Variants in MTIF2 observed in about 807,000 individuals in gnomAD.
The protein encoded by MTIF2 is translation initiation factor IF-2, mitochondrial.
In MTIF2, 71 loss-of-function variants were observed where a neutral mutation model predicts 83.5. The ratio of observed to expected loss-of-function variants is 0.85; its 90% CI spans 0.70 to 1.04. The LOEUF (loss-of-function observed/expected upper bound fraction) is 1.04. MTIF2 is among the 50% of genes least tolerant of loss of function. The pLI, the probability that MTIF2 is intolerant of heterozygous loss-of-function variation, is 0.00. For missense variants in MTIF2, 957 were observed against 846.5 expected (o/e 1.13, Z -1.62); for synonymous variants, 319 against 287.1 (o/e 1.11, Z -1.12).
chr2:55,261,017 C>G (rs1428785764), intron 5 of MTIF2, among the ~76,000 whole-genome samples: 1 of 151,012 alleles, frequency 6.6e-6, no homozygotes, highest in African/African-American at 2.4e-5. Context: ...GATGGAGTCT[C>G]GCTCTGTCGT....
chr2:55,252,911 A>T (rs190426464), intron 7 of MTIF2, among the ~76,000 whole-genome samples: 10 of 152,324 alleles, frequency 6.6e-5, no homozygotes, highest in African/African-American at 2.4e-4. Context: ...TACTTTCATA[A>T]ATGTATCAAC....
rs530379308 is a variant in MTIF2, at chr2:55,244,352, TCTTAA to T, written c.1107-124_1107-120del. On this transcript the variant is annotated intron_variant, in intron 10 of 15. Coordinates refer to ENST00000263629, the MANE Select transcript of MTIF2 (RefSeq NM_002453.3). ...TATACACAAGATTAATTCCACCACT[TCTTAA>T]CTTAAGCAGTTTTTCATACTATAAA... 8.9e-4 allele frequency: 696 copies of T among 783,350 alleles called. 4 individuals are homozygous for T. The African/African-American group carries it at 0.01, about 12-fold the overall frequency. The allele number at this position is 783,350 out of a possible 1,614,324, so 48.5% of individuals were successfully genotyped here.
At chr2:55,255,207 T>C (rs1439714490) in intron 5 of MTIF2, among the ~76,000 whole-genome samples, 1 of 151,464 alleles carries the variant, frequency 6.6e-6, no homozygotes, top group African/African-American at 2.4e-5. Flanking sequence ...CAATTGCCAT[T>C]ATTTGCAATA....
At position 55,252,656 on chromosome 2, in the gene MTIF2, G is replaced by A. The variant is rs928573267; in HGVS notation, c.665-3C>T. On this transcript the variant is annotated splice_polypyrimidine_tract_variant and splice_region_variant and intron_variant, in intron 7 of 15. Coordinates refer to ENST00000263629, the MANE Select transcript of MTIF2 (RefSeq NM_002453.3). Reference sequence around the variant, plus strand: ...CTTTTCCCCAGAAGGCAGAGAGACTGTGGAAACAGAAATTCAAGAACATCA... The same window carrying A: ...CTTTTCCCCAGAAGGCAGAGAGACTATGGAAACAGAAATTCAAGAACATCA... The A allele has an allele frequency of 1.2e-5, 19 of 1,605,820 alleles. No individual in the cohort carries two copies. The highest frequency in any genetic ancestry group is 1.5e-5 in the Non-Finnish European group (18 of 1,174,976).
chr2:55,237,292 C>A lies in MTIF2; in HGVS notation c.2007G>T (p.Trp669Cys). 2 of 1,611,460 alleles carry A rather than the reference C, an allele frequency of 1.2e-6. No homozygotes were observed. The highest frequency in any genetic ancestry group is 2.2e-5 in the South Asian group (2 of 90,630). Residue 669 changes from tryptophan (W) to cysteine (C), a missense_variant, in exon 15 of 16, where the codon TGG becomes TGT. Transcript: ENST00000263629. ...FKLTRNGHVI[W>C]KGSLTSLKHH... The stretch of plus-strand genomic sequence containing the variant: ...GGAGATTTTGATGTTGCTTACCCTT[C>A]CAAATTACATGTCCATTACGGGTTA...
At chr2:55,238,611 G>C (rs919135857) in intron 14 of MTIF2, among the ~76,000 whole-genome samples, 1 of 151,918 alleles carries the variant, frequency 6.6e-6, no homozygotes, top group African/African-American at 2.4e-5. Context: ...GACTGGTCTT[G>C]AACTCCCATC....
rs535351025 is a variant in MTIF2 at position 55,243,904 on chromosome 2, G to A, written c.1311+125C>T. Reference sequence around the variant, plus strand: ...GTCTAATGCTAAAATAGCACAACTTGCATCCTCACAGCCCCTTATAATCTA... The same window carrying A: ...GTCTAATGCTAAAATAGCACAACTTACATCCTCACAGCCCCTTATAATCTA... On this transcript the variant is annotated intron_variant, in intron 11 of 15. Coordinates refer to ENST00000263629, the MANE Select transcript of MTIF2 (RefSeq NM_002453.3). 53 of 971,544 alleles carry A rather than the reference G, an allele frequency of 5.5e-5. No homozygotes were observed. In the African/African-American group the frequency reaches 8.2e-4, roughly 15 times the overall value. The allele number at this position is 971,544 out of a possible 1,614,324, so 60.2% of individuals were successfully genotyped here.
chr2:55,267,394 G>C lies in MTIF2; in HGVS notation c.-8+175C>G, dbSNP rs189592084. On this transcript the variant is annotated intron_variant, in intron 3 of 15. Coordinates refer to ENST00000263629, the MANE Select transcript of MTIF2 (RefSeq NM_002453.3). ...GGCTGGTCTTGAACTCCTGACCTCA[G>C]GTGATCTATCCGCCTTGGCCTCCCA... Among the ~76,000 whole-genome samples, 222 of 152,180 alleles carry C rather than the reference G, an allele frequency of 1.5e-3. 2 individuals carry two copies. The highest frequency in any genetic ancestry group is 2.1e-3 in the South Asian group (10 of 4,822).
At chr2:55,240,203 G>A (rs951651436) in intron 13 of MTIF2, 28 bp from the exon 14 acceptor site, 2 of 1,551,012 alleles carry the variant, frequency 1.3e-6, no homozygotes, top group Admixed American at 1.7e-5. Flanking sequence ...GATCAATGAA[G>A]TAGCACAACG....
chr2:55,256,432 G>A (rs1005441833), intron 5 of MTIF2, among the ~76,000 whole-genome samples: 3 of 151,778 alleles, frequency 2.0e-5, no homozygotes, highest in African/African-American at 7.3e-5. Context: ...TTTTGGCCAG[G>A]CACGGTGGCT....
At chr2:55,260,842 A>C (rs1412951345) in intron 5 of MTIF2, among the ~76,000 whole-genome samples, 1 of 152,146 alleles carries the variant, frequency 6.6e-6, no homozygotes, top group Non-Finnish European at 1.5e-5. Context: ...TTTTAATATC[A>C]CTTTATAATG....
chr2:55,252,535 T>G lies in MTIF2; in HGVS notation c.783A>C (p.Ala261=). 6.2e-7 allele frequency: 1 copy of G among 1,614,190 alleles called. No homozygotes were observed. The highest frequency in any genetic ancestry group is 8.5e-7 in the Non-Finnish European group (1 of 1,180,008). ...VTDIVVLVVA[A]DDGVMKQTVE... ...CAGTTTGTTTCATCACTCCATCATC[T>G]GCAGCTACAACCAATACGACAATGT... Residue 261 remains alanine, a synonymous_variant, in exon 8 of 16, where the codon GCA becomes GCC. Transcript: ENST00000263629.
intron 9 of MTIF2, among the ~76,000 whole-genome samples, chr2:55,247,153 C>T (rs1017425465): frequency 3.9e-5 from 6 of 152,090 alleles, no homozygotes; most frequent in Non-Finnish European, 7.4e-5. Flanking sequence ...TCTAGGGCTC[C>T]AAGATCACAC....
At chr2:55,237,473 T>C (rs1202895193) in intron 14 of MTIF2, 45 bp from the exon 15 acceptor site, 5 of 1,526,312 alleles carry the variant, frequency 3.3e-6, no homozygotes, top group Non-Finnish European at 4.4e-6. Context: ...CTAAAGATTC[T>C]GATAAATACG....
chr2:55,242,412 T>A (rs1473849863), intron 13 of MTIF2, among the ~76,000 whole-genome samples: 1 of 152,218 alleles, frequency 6.6e-6, no homozygotes, highest in Non-Finnish European at 1.5e-5. Flanking sequence ...TGAGTCCCCC[T>A]TTTTGTGTAT....
In MTIF2 at chr2:55,252,626, G is replaced by GT; in HGVS notation, c.691dup (p.Thr231AsnfsTer4). The GT allele has an allele frequency of 6.2e-7, 1 of 1,613,286 alleles. No homozygotes were observed. Among genetic ancestry groups the GT allele is most frequent in the Non-Finnish European group, 8.5e-7 (1 of 1,179,638 alleles). On this transcript the variant is annotated frameshift_variant, in exon 8 of 16. Coordinates refer to ENST00000263629, the MANE Select transcript of MTIF2 (RefSeq NM_002453.3). LOFTEE classifies it high-confidence loss of function. ...AGCATGTCCTGGAGTATCAAGAAAA[G>GT]TTATCTTTTCCCCAGAAGGCAGAGA... is the stretch of plus-strand genomic sequence containing the variant.
chr2:55,266,709 C>T (rs1678455995), intron 3 of MTIF2, among the ~76,000 whole-genome samples: 1 of 146,592 alleles, frequency 6.8e-6, no homozygotes, highest in Non-Finnish European at 1.5e-5. Flanking sequence ...GAAATTAAGG[C>T]TCTGGACGGG....
Position 55,243,454 on chromosome 2 carries a change from C to G in MTIF2, c.1526G>C (p.Arg509Thr). The G allele has an allele frequency of 6.2e-7, 1 of 1,611,816 alleles. No homozygotes were observed. The highest frequency in any genetic ancestry group is 8.5e-7 in the Non-Finnish European group (1 of 1,178,656). The change falls in exon 12 of 16, where the codon AGG (arginine) becomes ACG (threonine). Residue 509 changes from arginine (R) to threonine (T), a missense_variant. Transcript: ENST00000263629. ...AGAAAGTACATTTGAATCTCTTTCC[C>G]TTTTCTCTTTTGGCTTTAAGGGTAT... ...EQIPLKPKEK[R>T]ERDSNVLSVI...
Position 55,237,330 on chromosome 2 carries a change from T to A in MTIF2, c.1969A>T (p.Lys657Ter). Residue 657 changes from lysine (K) to a stop codon, truncating the protein, a stop_gained, in exon 15 of 16, where the codon AAA (lysine) becomes TAA (stop). Coordinates refer to ENST00000263629, the MANE Select transcript of MTIF2 (RefSeq NM_002453.3). LOFTEE classifies it high-confidence loss of function. ...CCATTACGGGTTAGTTTAAATTTTT[T>A]TTGTTTTTCTAACTGTCCCTTTTGG... ...RVQKGQLEKQ[K>*]KFKLTRNGHV... is the part of the protein sequence containing the mutation. 2 of 1,612,944 alleles carry A rather than the reference T, an allele frequency of 1.2e-6. No homozygotes were observed. The highest frequency in any genetic ancestry group is 1.7e-6 in the Non-Finnish European group (2 of 1,179,882).
Sources: gnomAD v4.1 joint callset for allele counts (sites outside exome capture counted in the v4.1 genomes callset) on GRCh38, gnomAD v4.1.1 for gene constraint, MANE v1.5 for transcripts, NCBI Gene and HGNC (gene_info 2026-07-23, HGNC 2026-07-21) for gene names.